Variants in STAG1 observed in about 807,000 individuals in gnomAD.
STAG1 encodes cohesin subunit SA-1.
In STAG1, 26 loss-of-function variants were observed where a neutral mutation model predicts 170.9. The ratio of observed to expected loss-of-function variants is 0.15; its 90% CI spans 0.11 to 0.21. The LOEUF (loss-of-function observed/expected upper bound fraction) is 0.21. Among genes scored for constraint, STAG1 ranks in the 10% least tolerant of loss-of-function variants. STAG1 has a pLI of 1.00. For missense variants in STAG1, 964 were observed against 1,509.5 expected (o/e 0.64, Z 5.99); for synonymous variants, 514 against 497.7 (o/e 1.03, Z -0.44).
At chr3:136,682,444 A>AT (rs1249179858) in intron 1 of STAG1, among the ~76,000 whole-genome samples, 2 of 140,924 alleles carry the variant, frequency 1.4e-5, no homozygotes, top group African/African-American at 5.0e-5. Context: ...AAAAAAAAAT[A>AT]AAATATATAT....
At chr3:136,407,085 T>C (rs2087505346) in intron 21 of STAG1, among the ~76,000 whole-genome samples, 1 of 152,224 alleles carries the variant, frequency 6.6e-6, no homozygotes, top group East Asian at 1.9e-4. Context: ...GGAGCGCAGT[T>C]GCGCAATCTC....
chr3:136,689,774 C>T (rs902310245), intron 1 of STAG1, among the ~76,000 whole-genome samples: 1 of 152,092 alleles, frequency 6.6e-6, no homozygotes, highest in African/African-American at 2.4e-5. Context: ...GGCACAATGG[C>T]TCATACCTGT....
At chr3:136,517,785 C>T (rs1260086585) in intron 7 of STAG1, among the ~76,000 whole-genome samples, 1 of 151,748 alleles carries the variant, frequency 6.6e-6, no homozygotes, top group African/African-American at 2.4e-5. Flanking sequence ...ATAGCTATTT[C>T]AAATAAAAAT....
chr3:136,539,067 G>A (rs942573621), intron 6 of STAG1, among the ~76,000 whole-genome samples: 3 of 151,700 alleles, frequency 2.0e-5, no homozygotes, highest in South Asian at 2.1e-4. Flanking sequence ...CCAGGAGGCC[G>A]AGCTTGCAGT....
intron 6 of STAG1, among the ~76,000 whole-genome samples, chr3:136,527,929 T>C (rs111240357): frequency 4.6e-5 from 7 of 152,300 alleles, no homozygotes; most frequent in African/African-American, 1.4e-4. Flanking sequence ...TGTTGCCACC[T>C]GATTGTTCCT....
At chr3:136,574,975 AGATTTAAAAATCTGTTTAAATCT>A (rs1442732794) in intron 4 of STAG1, among the ~76,000 whole-genome samples, 4 of 152,340 alleles carry the variant, frequency 2.6e-5, no homozygotes, top group South Asian at 2.1e-4. Flanking sequence ...TTGCAATAAC[AGATTTAAAAATCTGTTTAAATCT>A]GATTTAAAAA....
intron 21 of STAG1, among the ~76,000 whole-genome samples, chr3:136,405,683 C>T (rs541121851): frequency 6.7e-6 from 1 of 149,456 alleles, no homozygotes; most frequent in South Asian, 2.1e-4. Flanking sequence ...TGGTGAACCC[C>T]GTTTCTATTA....
intron 20 of STAG1, among the ~76,000 whole-genome samples, chr3:136,420,134 C>T (rs1299440882): frequency 1.3e-5 from 2 of 150,258 alleles, no homozygotes; most frequent in Non-Finnish European, 2.9e-5. Flanking sequence ...GTGGTCCCAG[C>T]TACTCGAGAG....
intron 22 of STAG1, among the ~76,000 whole-genome samples, chr3:136,380,750 T>A (rs757741232): frequency 6.6e-6 from 1 of 151,944 alleles, no homozygotes. Context: ...CCAGGCATGA[T>A]GGCTCACGCC....
intron 21 of STAG1, among the ~76,000 whole-genome samples, chr3:136,413,693 T>C (rs1310019873): frequency 1.3e-5 from 2 of 152,104 alleles, no homozygotes; most frequent in African/African-American, 2.4e-5. Context: ...TCTGGTCTTA[T>C]GTGATCTGCC....
chr3:136,609,789 T>C (rs539812091), intron 3 of STAG1, among the ~76,000 whole-genome samples: 4 of 152,302 alleles, frequency 2.6e-5, no homozygotes, highest in African/African-American at 9.6e-5. Context: ...GGTGAAATCA[T>C]TCACTGGTTA....
chr3:136,751,877 G>A (rs1484370708), intron 1 of STAG1, among the ~76,000 whole-genome samples: 6 of 150,740 alleles, frequency 4.0e-5, no homozygotes, highest in South Asian at 2.1e-4. Flanking sequence ...GCCTGTCGCC[G>A]TAGTGCCCGG....
intron 1 of STAG1, among the ~76,000 whole-genome samples, chr3:136,723,165 G>A (rs373130821): frequency 1.3e-5 from 2 of 152,046 alleles, no homozygotes; most frequent in African/African-American, 2.4e-5. Flanking sequence ...CGTCTGGGAC[G>A]TGAGGAGCCC....
chr3:136,749,627 A>T (rs1316244272), intron 1 of STAG1, among the ~76,000 whole-genome samples: 1 of 151,526 alleles, frequency 6.6e-6, no homozygotes, highest in African/African-American at 2.4e-5. Context: ...GCACTTGTAG[A>T]CCCAGCTACT....
chr3:136,535,746 CAAGGT>C (rs770678111), intron 6 of STAG1, among the ~76,000 whole-genome samples: 1 of 152,102 alleles, frequency 6.6e-6, no homozygotes, highest in Non-Finnish European at 1.5e-5. Context: ...GATAAATACT[CAAGGT>C]AAGAGATACC....
chr3:136,634,842 G>T (rs1182236645), intron 1 of STAG1, among the ~76,000 whole-genome samples: 1 of 152,018 alleles, frequency 6.6e-6, no homozygotes, highest in Non-Finnish European at 1.5e-5. Flanking sequence ...AAAAAAGAGA[G>T]AAGGGGCAAA....
chr3:136,545,453 G>GA (rs990292532), intron 5 of STAG1, among the ~76,000 whole-genome samples: 10 of 152,070 alleles, frequency 6.6e-5, no homozygotes, highest in African/African-American at 1.9e-4. Context: ...TGGATTGGTA[G>GA]AAAAAATCTG....
intron 21 of STAG1, among the ~76,000 whole-genome samples, chr3:136,403,446 C>G (rs1244498445): frequency 6.6e-6 from 1 of 151,704 alleles, no homozygotes; most frequent in Non-Finnish European, 1.5e-5. Flanking sequence ...AACATTAGTG[C>G]TAAAAAAATT....
At chr3:136,495,089 T>C (rs950887637) in intron 9 of STAG1, among the ~76,000 whole-genome samples, 1 of 152,202 alleles carries the variant, frequency 6.6e-6, no homozygotes, top group Non-Finnish European at 1.5e-5. Context: ...GCATACTCAA[T>C]GCAGGTGGTA....
Sources: gnomAD v4.1 joint callset for allele counts (sites outside exome capture counted in the v4.1 genomes callset) on GRCh38, gnomAD v4.1.1 for gene constraint, MANE v1.5 for transcripts, NCBI Gene and HGNC (gene_info 2026-07-23, HGNC 2026-07-21) for gene names.